Variants in MCC observed in about 807,000 individuals in gnomAD.
MCC encodes colorectal mutant cancer protein.
In MCC, 90 loss-of-function variants were observed where a neutral mutation model predicts 116.2. That is an observed-to-expected ratio of 0.77 (90% CI 0.65 to 0.92). The LOEUF is 0.92. Ranked by LOEUF, MCC falls within the 40% of genes least tolerant of loss-of-function variation. MCC has a pLI of 0.00. For synonymous variants in MCC, 578 were observed against 510.5 expected, an observed-to-expected ratio of 1.13 and a Z score of -1.78; for missense variants, 1,516 against 1,312.2, an observed-to-expected ratio of 1.16 and a Z score of -2.40.
chr5:113,285,204 G>A (rs990337097), intron 3 of MCC, among the ~76,000 whole-genome samples: 11 of 152,126 alleles, frequency 7.2e-5, no homozygotes, highest in Non-Finnish European at 1.3e-4. Flanking sequence ...TCAAAGGCGG[G>A]AAGCCAAAGG....
chr5:113,180,009 G>GC (rs1352702367), intron 3 of MCC, among the ~76,000 whole-genome samples: 1 of 152,074 alleles, frequency 6.6e-6, no homozygotes, highest in African/African-American at 2.4e-5. Context: ...TGCTAAATAT[G>GC]CCCTAGAGAT....
chr5:113,429,870 C>A (rs1770580340), intron 1 of MCC, among the ~76,000 whole-genome samples: 1 of 152,186 alleles, frequency 6.6e-6, no homozygotes. Flanking sequence ...ACATTAGCAA[C>A]ATATAGAAGT....
At chr5:113,121,910 C>A (rs1757756339) in intron 6 of MCC, among the ~76,000 whole-genome samples, 1 of 151,788 alleles carries the variant, frequency 6.6e-6, no homozygotes, top group African/African-American at 2.4e-5. Context: ...TTCCCTCAAC[C>A]TCGATCTCTT....
At chr5:113,172,592 C>T (rs539361551) in intron 3 of MCC, among the ~76,000 whole-genome samples, 11 of 152,312 alleles carry the variant, frequency 7.2e-5, no homozygotes, top group South Asian at 4.1e-4. Context: ...AATCAGGTGA[C>T]GAGAAAGACT....
chr5:113,027,480 T>C lies in MCC; in HGVS notation c.2882A>G (p.Asn961Ser). ...TGCTTTCTCATAGGCAGCCACCAGGTTGCTAGGTGGGAATGAAGGGAAATT... is the reference window on the plus strand; with the variant it reads ...TGCTTTCTCATAGGCAGCCACCAGGCTGCTAGGTGGGAATGAAGGGAAATT... ...FVNDLKRANS[N>S]LVAAYEKAKK... The change falls in exon 19 of 19, where the codon AAC (asparagine) becomes AGC (serine). Residue 961 changes from asparagine (N) to serine (S), a missense_variant and splice_region_variant. Coordinates refer to ENST00000408903, the MANE Select transcript of MCC (RefSeq NM_001085377.2). 6.2e-7 allele frequency: 1 copy of C among 1,614,086 alleles called. No individual in the cohort carries two copies. Among genetic ancestry groups the C allele is most frequent in the Admixed American group, 1.7e-5 (1 of 60,012 alleles).
intron 1 of MCC, among the ~76,000 whole-genome samples, chr5:113,451,552 T>C (rs1422395153): frequency 6.6e-6 from 1 of 152,102 alleles, no homozygotes; most frequent in Non-Finnish European, 1.5e-5. Flanking sequence ...CTGACCAACA[T>C]GGAGAGACCT....
chr5:113,262,988 C>T (rs1224639287), intron 3 of MCC, among the ~76,000 whole-genome samples: 1 of 151,732 alleles, frequency 6.6e-6, no homozygotes, highest in African/African-American at 2.4e-5. Context: ...AGGATGGAAT[C>T]CTGACACATT....
intron 3 of MCC, among the ~76,000 whole-genome samples, chr5:113,250,167 A>G (rs2150343328): frequency 6.6e-6 from 1 of 152,308 alleles, no homozygotes; most frequent in South Asian, 2.1e-4. Flanking sequence ...GTGAAGACCC[A>G]CCAATGACAT....
chr5:113,473,219 C>G (rs967229630), intron 1 of MCC, among the ~76,000 whole-genome samples: 2 of 151,838 alleles, frequency 1.3e-5, no homozygotes, highest in African/African-American at 4.8e-5. Flanking sequence ...TTTTATGTAC[C>G]TTGGAGTAGT....
rs574495448 is a variant in MCC at position 113,039,055 on chromosome 5, C to G, written c.2756+4475G>C. Among the ~76,000 whole-genome samples, 3 of 152,250 alleles carry G rather than the reference C, an allele frequency of 2.0e-5. No homozygotes were observed. In the East Asian group the frequency reaches 5.8e-4, roughly 29 times the overall value. On this transcript the variant is annotated intron_variant, in intron 17 of 18. Coordinates refer to ENST00000408903, the MANE Select transcript of MCC (RefSeq NM_001085377.2). ...CTGCAGGTAGTATGTGAGGCTCGCC[C>G]CACCCTGCTCCTGGGTAGAGTGAAA...
At chr5:113,415,286 T>C (rs255870) in intron 1 of MCC, among the ~76,000 whole-genome samples, 14,342 of 152,168 alleles carry the variant, frequency 0.094, 985 homozygotes, top group Non-Finnish European at 0.12. Flanking sequence ...TGGTGTTCTC[T>C]GTATTTCCTG....
intron 3 of MCC, among the ~76,000 whole-genome samples, chr5:113,193,993 G>A (rs968608979): frequency 6.6e-6 from 1 of 152,140 alleles, no homozygotes; most frequent in East Asian, 1.9e-4. Flanking sequence ...CTACCTGCCA[G>A]TTCTACCTCA....
intron 10 of MCC, among the ~76,000 whole-genome samples, chr5:113,083,492 C>T (rs1410746715): frequency 6.6e-6 from 1 of 152,216 alleles, no homozygotes; most frequent in Admixed American, 6.5e-5. Flanking sequence ...AAATGCTATT[C>T]AGGCTCTCTC....
chr5:113,157,150 G>A (rs1368240686), intron 3 of MCC, among the ~76,000 whole-genome samples: 1 of 152,142 alleles, frequency 6.6e-6, no homozygotes, highest in African/African-American at 2.4e-5. Context: ...GCGTATTTCT[G>A]GTTATTAGGT....
chr5:113,248,922 C>A (rs1764679600), intron 3 of MCC, among the ~76,000 whole-genome samples: 1 of 150,250 alleles, frequency 6.7e-6, no homozygotes, highest in Non-Finnish European at 1.5e-5. Context: ...CTGCTCATTG[C>A]TGCCTCCGCC....
intron 14 of MCC, among the ~76,000 whole-genome samples, chr5:113,059,646 T>G (rs950223564): frequency 6.6e-6 from 1 of 152,248 alleles, no homozygotes; most frequent in South Asian, 2.1e-4. Context: ...CACACATGTG[T>G]GTCTTGCTCT....
intron 2 of MCC, among the ~76,000 whole-genome samples, chr5:113,372,418 G>A (rs1047424352): frequency 1.4e-4 from 22 of 152,270 alleles, no homozygotes; most frequent in African/African-American, 5.1e-4. Flanking sequence ...ACAAGGTACT[G>A]ATCTACAAAA....
In MCC at chr5:113,292,869, A is replaced by C. The variant is rs527560734; in HGVS notation, c.627+47650T>G. Reference sequence around the variant, plus strand: ...GATCACCAAAGGCTTCTCCTGAAACAGGGTTAGTGATGGAGCAGGGCCCTG... The same window carrying C: ...GATCACCAAAGGCTTCTCCTGAAACCGGGTTAGTGATGGAGCAGGGCCCTG... On this transcript the variant is annotated intron_variant, in intron 3 of 18. Coordinates refer to ENST00000408903, the MANE Select transcript of MCC (RefSeq NM_001085377.2). Among the ~76,000 whole-genome samples the C allele has an allele frequency of 4.4e-4, 67 of 152,340 alleles. 2 individuals carry two copies. In the South Asian group the frequency reaches 0.011, roughly 26 times the overall value.
chr5:113,122,891 T>C, intron 5 of MCC, 65 bp from the exon 6 acceptor site: 1 of 1,516,240 alleles, frequency 6.6e-7, no homozygotes, highest in Admixed American at 1.7e-5. Context: ...AGAGAATATG[T>C]CTTTTAAGGA....
Sources: allele counts gnomAD v4.1 joint callset (sites outside exome capture counted in the v4.1 genomes callset), GRCh38; gene constraint gnomAD v4.1.1; transcripts MANE v1.5; gene names NCBI Gene and HGNC (gene_info 2026-07-23, HGNC 2026-07-21).